The following CTNNA3 variants were observed in gnomAD, a reference collection of about 807,000 sequenced individuals.
CTNNA3 encodes catenin alpha 3.
In CTNNA3, 76 loss-of-function variants were observed where a neutral mutation model predicts 95.7. That is an observed-to-expected ratio of 0.79 (90% CI 0.66 to 0.96). The LOEUF is 0.96. CTNNA3 is among the 40% of genes least tolerant of loss of function. The pLI, the probability that CTNNA3 is intolerant of heterozygous loss-of-function variation, is 0.00. For synonymous variants in CTNNA3, 431 were observed against 374.4 expected, an observed-to-expected ratio of 1.15 and a Z score of -1.74; for missense variants, 1,191 against 1,089.8, an observed-to-expected ratio of 1.09 and a Z score of -1.31.
chr10:67,560,358 CA>C (rs1841460267), intron 3 of CTNNA3, among the ~76,000 whole-genome samples: 1 of 151,702 alleles, frequency 6.6e-6, no homozygotes, highest in South Asian at 2.1e-4. Context: ...AAAGAATTTT[CA>C]ACCCAGAATT....
intron 13 of CTNNA3, among the ~76,000 whole-genome samples, chr10:66,185,472 G>GA (rs1267107075): frequency 2.0e-5 from 3 of 151,822 alleles, no homozygotes; most frequent in African/African-American, 2.4e-5. Flanking sequence ...CAATGCATTT[G>GA]AAAAAAATCT....
chr10:66,444,489 T>C (rs11497940), intron 11 of CTNNA3, among the ~76,000 whole-genome samples: 58,054 of 151,972 alleles, frequency 0.38, 11,647 homozygotes, highest in African/African-American at 0.5. Context: ...GCAAAAACTC[T>C]ACAAGCCAGA....
chr10:66,472,224 GA>G (rs1330362808), intron 11 of CTNNA3, among the ~76,000 whole-genome samples: 1 of 151,588 alleles, frequency 6.6e-6, no homozygotes, highest in Non-Finnish European at 1.5e-5. Flanking sequence ...AATGAATTTA[GA>G]TTTTTTTTTT....
intron 7 of CTNNA3, among the ~76,000 whole-genome samples, chr10:66,855,026 C>A (rs1285322762): frequency 1.3e-5 from 2 of 151,810 alleles, no homozygotes; most frequent in African/African-American, 4.8e-5. Flanking sequence ...ATGTCTGGCA[C>A]ATTATAGATG....
chr10:67,648,663 A>G lies in CTNNA3; in HGVS notation c.-5-1145T>C. The G allele has an allele frequency of 3.9e-6, 4 of 1,036,588 alleles. 1 individual carries two copies. In the South Asian group the frequency reaches 5.7e-5, roughly 15 times the overall value. 64.2% of individuals were successfully genotyped at this position (1,036,588 alleles called of 1,614,324 possible). On this transcript the variant is annotated intron_variant, in intron 1 of 17. Coordinates refer to ENST00000433211, the MANE Select transcript of CTNNA3 (RefSeq NM_013266.4). ...ATTACTTGAGTTTCTTCTCAAATCA[A>G]AGTTTCAAATTACTGTTATTGGCAT...
chr10:66,262,226 T>C (rs1351869154), intron 13 of CTNNA3, among the ~76,000 whole-genome samples: 1 of 152,048 alleles, frequency 6.6e-6, no homozygotes, highest in Admixed American at 6.6e-5. Flanking sequence ...GATTTTGAGA[T>C]AGGCAATTTT....
intron 7 of CTNNA3, among the ~76,000 whole-genome samples, chr10:67,051,758 AT>A (rs10582679): frequency 0.4 from 58,531 of 144,656 alleles, 12,330 homozygotes; most frequent in East Asian, 0.64. Context: ...CTATCCTACA[AT>A]TTTTTTTTTT....
chr10:65,929,119 T>C (rs1017282957), intron 17 of CTNNA3, among the ~76,000 whole-genome samples: 1 of 150,058 alleles, frequency 6.7e-6, no homozygotes, highest in Admixed American at 6.7e-5. Flanking sequence ...AGTGAGAACA[T>C]GTGGTGTTTG....
intron 5 of CTNNA3, among the ~76,000 whole-genome samples, chr10:67,332,547 T>A (rs560792341): frequency 6.6e-6 from 1 of 152,274 alleles, no homozygotes; most frequent in African/African-American, 2.4e-5. Flanking sequence ...TGGATACAGA[T>A]CCCATTTTTT....
chr10:66,194,275 T>C (rs980449906), intron 13 of CTNNA3, among the ~76,000 whole-genome samples: 2 of 152,262 alleles, frequency 1.3e-5, no homozygotes, highest in East Asian at 3.9e-4. Flanking sequence ...TGTGCCCAAA[T>C]GGATAGATTT....
intron 5 of CTNNA3, among the ~76,000 whole-genome samples, chr10:67,504,125 C>T (rs1367007387): frequency 1.3e-5 from 2 of 149,620 alleles, no homozygotes; most frequent in African/African-American, 4.9e-5. Flanking sequence ...CCACTGCACT[C>T]CAGCCTGGGC....
chr10:66,763,311 C>A (rs1393736312), intron 9 of CTNNA3, among the ~76,000 whole-genome samples: 1 of 119,030 alleles, frequency 8.4e-6, no homozygotes, highest in African/African-American at 3.6e-5. Flanking sequence ...GAGATAAACA[C>A]ACACACACAC....
intron 5 of CTNNA3, among the ~76,000 whole-genome samples, chr10:67,249,582 G>A (rs1286380913): frequency 1.3e-5 from 2 of 152,100 alleles, no homozygotes; most frequent in African/African-American, 4.8e-5. Context: ...GTATTACCGA[G>A]CTTGTAAATA....
At chr10:67,586,080 C>T (rs1842614415) in intron 3 of CTNNA3, among the ~76,000 whole-genome samples, 1 of 151,888 alleles carries the variant, frequency 6.6e-6, no homozygotes. Flanking sequence ...CTTCATTGAC[C>T]CAGTGGTCAT....
chr10:66,217,263 G>C (rs1271677631), intron 13 of CTNNA3, among the ~76,000 whole-genome samples: 1 of 149,830 alleles, frequency 6.7e-6, no homozygotes, highest in African/African-American at 2.5e-5. Flanking sequence ...CTGAGGCAGA[G>C]AATTGCTTGA....
intron 3 of CTNNA3, among the ~76,000 whole-genome samples, chr10:67,598,288 T>A (rs1276375477): frequency 6.6e-6 from 1 of 152,066 alleles, no homozygotes; most frequent in African/African-American, 2.4e-5. Flanking sequence ...TCTATGGGGA[T>A]CATGGGGTCT....
intron 4 of CTNNA3, 138 bp from the exon 5 acceptor site, chr10:67,522,099 ATC>A: frequency 2.5e-6 from 2 of 809,880 alleles, no homozygotes; most frequent in Non-Finnish European, 3.8e-6. Flanking sequence ...CTAGCTAATT[ATC>A]TTTCAATGAA....
At position 65,919,122 on chromosome 10, in the gene CTNNA3, A is replaced by AT. The variant is rs1025983542; in HGVS notation, c.*1207dup. On this transcript the variant is annotated 3_prime_UTR_variant, in exon 18 of 18. Coordinates refer to ENST00000433211, the MANE Select transcript of CTNNA3 (RefSeq NM_013266.4). ...CCTCCAAAGAGTTTCTGTTAAGGAC[A>AT]TTTTTGAAAGACAGAGAGAGGCAGG... 42 of 152,288 alleles carry AT rather than the reference A, an allele frequency of 2.8e-4. No homozygotes were observed. Among genetic ancestry groups the AT allele is most frequent in the Middle Eastern group, 3.4e-3 (1 of 294 alleles). 9.4% of individuals were successfully genotyped at this position (152,288 alleles called of 1,614,324 possible).
At chr10:66,281,586 G>T (rs2091492409) in intron 12 of CTNNA3, among the ~76,000 whole-genome samples, 1 of 151,748 alleles carries the variant, frequency 6.6e-6, no homozygotes, top group Non-Finnish European at 1.5e-5. Flanking sequence ...ATCATAGTGA[G>T]GAAGCCTCTT....
Sources: gnomAD v4.1 joint callset for allele counts (sites outside exome capture counted in the v4.1 genomes callset) on GRCh38, gnomAD v4.1.1 for gene constraint, MANE v1.5 for transcripts, NCBI Gene and HGNC (gene_info 2026-07-23, HGNC 2026-07-21) for gene names.